MTUS2: variants seen among roughly 807,000 people sequenced by gnomAD.
The protein encoded by MTUS2 is microtubule associated scaffold protein 2.
In MTUS2, 40 loss-of-function variants were observed where a neutral mutation model predicts 114.1. The observed-to-expected ratio is 0.35, with a 90% CI of 0.27 to 0.46. MTUS2 has a LOEUF of 0.46. Ranked by LOEUF, MTUS2 falls within the 20% of genes least tolerant of loss-of-function variation. MTUS2 has a pLI of 1.00. For missense variants in MTUS2, 1,679 were observed against 1,705.4 expected (o/e 0.98, Z 0.27); for synonymous variants, 688 against 672.0 (o/e 1.02, Z -0.37).
chr13:28,879,686 A>G (rs777193583), intron 2 of MTUS2, among the ~76,000 whole-genome samples: 2 of 152,188 alleles, frequency 1.3e-5, no homozygotes, highest in African/African-American at 2.4e-5. Flanking sequence ...GTTTTAAATG[A>G]TTTCCATCAA....
At chr13:29,441,693 C>T (rs1877888926) in intron 9 of MTUS2, among the ~76,000 whole-genome samples, 1 of 152,140 alleles carries the variant, frequency 6.6e-6, no homozygotes, top group Admixed American at 6.5e-5. Context: ...CTGTTCTTCT[C>T]TAAGGAAGGA....
chr13:28,855,240 A>T (rs1325551491), intron 2 of MTUS2, among the ~76,000 whole-genome samples: 5 of 151,890 alleles, frequency 3.3e-5, no homozygotes. Flanking sequence ...CTATCATCTC[A>T]CAGGCACTAG....
intron 2 of MTUS2, among the ~76,000 whole-genome samples, chr13:28,964,433 G>A (rs1883480504): frequency 2.0e-5 from 3 of 152,076 alleles, no homozygotes; most frequent in Admixed American, 6.5e-5. Flanking sequence ...GCACAGCTTA[G>A]AATAAAATTC....
rs114541586 is a variant in MTUS2 at position 29,359,313 on chromosome 13, C to G, written c.2957C>G (p.Pro986Arg). The G allele has an allele frequency of 1.2e-6, 2 of 1,609,714 alleles. No homozygotes were observed. The highest frequency in any genetic ancestry group is 1.7e-5 in the Admixed American group (1 of 59,352). ...AAARNGFPPKPDPQAREAERQ... is the reference protein window; with the variant it reads ...AAARNGFPPKRDPQAREAERQ... The stretch of plus-strand genomic sequence containing the variant: ...GCTCGAAATGGGTTTCCGCCCAAGC[C>G]GGACCCGCAGGCCCGTGAGGCTGAG... Residue 986 changes from proline (P) to arginine (R), a missense_variant, in exon 8 of 16, where the codon CCG becomes CGG. Pro to Arg is a moderately radical substitution (Grantham distance 103, BLOSUM62 -2). Transcript: ENST00000612955.
intron 3 of MTUS2, among the ~76,000 whole-genome samples, chr13:29,027,623 C>G (rs1198186521): frequency 1.3e-5 from 2 of 152,302 alleles, no homozygotes; most frequent in East Asian, 3.9e-4. Flanking sequence ...GCGATCTCGG[C>G]TCACTGGAAA....
chr13:29,462,898 T>C (rs1392608285), intron 9 of MTUS2, among the ~76,000 whole-genome samples: 1 of 152,146 alleles, frequency 6.6e-6, no homozygotes, highest in Non-Finnish European at 1.5e-5. Context: ...TCCCCGATGA[T>C]GTCCTCGTTC....
chr13:29,419,252 G>A (rs1875899849), intron 8 of MTUS2, among the ~76,000 whole-genome samples: 1 of 152,202 alleles, frequency 6.6e-6, no homozygotes, highest in South Asian at 2.1e-4. Context: ...TAGAAGCAAA[G>A]AGGAGTGGCA....
intron 9 of MTUS2, among the ~76,000 whole-genome samples, chr13:29,446,864 G>A (rs1025480355): frequency 9.3e-5 from 14 of 149,842 alleles, no homozygotes; most frequent in African/African-American, 3.0e-4. Flanking sequence ...TGTATATCAG[G>A]GTGTGGTTTA....
At chr13:28,929,077 T>C (rs1566230242) in intron 2 of MTUS2, among the ~76,000 whole-genome samples, 1 of 151,830 alleles carries the variant, frequency 6.6e-6, no homozygotes, top group Admixed American at 6.6e-5. Context: ...AAGGCGAATA[T>C]CACATGTTCT....
chr13:29,223,261 C>T (rs866586475), intron 5 of MTUS2, among the ~76,000 whole-genome samples: 1 of 152,158 alleles, frequency 6.6e-6, no homozygotes, highest in Admixed American at 6.5e-5. Flanking sequence ...AATTTCTCCC[C>T]TCTGAAGCCC....
At chr13:29,058,284 C>T (rs934457038) in intron 4 of MTUS2, among the ~76,000 whole-genome samples, 3 of 149,248 alleles carry the variant, frequency 2.0e-5, no homozygotes, top group Non-Finnish European at 4.4e-5. Context: ...TAGTGTCTTA[C>T]GAGGGTTCTC....
chr13:29,271,297 A>G (rs1334546697), intron 5 of MTUS2, among the ~76,000 whole-genome samples: 1 of 152,182 alleles, frequency 6.6e-6, no homozygotes, highest in Admixed American at 6.5e-5. Context: ...AGGTTATGAG[A>G]GGAGTCTGCT....
chr13:29,240,608 A>AT (rs1197385509), intron 5 of MTUS2, among the ~76,000 whole-genome samples: 7 of 152,120 alleles, frequency 4.6e-5, no homozygotes, highest in Non-Finnish European at 1.0e-4. Context: ...ATAAAGTATT[A>AT]TTTTTTCTTT....
intron 5 of MTUS2, among the ~76,000 whole-genome samples, chr13:29,253,496 A>T (rs189030634): frequency 6.6e-6 from 1 of 152,112 alleles, no homozygotes; most frequent in Non-Finnish European, 1.5e-5. Flanking sequence ...TACCATTTCT[A>T]TTACTGCCCA....
intron 2 of MTUS2, among the ~76,000 whole-genome samples, chr13:28,865,259 T>C (rs989528039): frequency 1.3e-5 from 2 of 152,152 alleles, no homozygotes; most frequent in African/African-American, 4.8e-5. Context: ...ATAAGCACTG[T>C]TAAAGATTGG....
At chr13:29,475,500 A>G (rs1880631451) in intron 9 of MTUS2, among the ~76,000 whole-genome samples, 1 of 152,176 alleles carries the variant, frequency 6.6e-6, no homozygotes, top group South Asian at 2.1e-4. Flanking sequence ...TTTTCCTAGG[A>G]GATGACAGCT....
intron 2 of MTUS2, among the ~76,000 whole-genome samples, chr13:28,934,602 C>T (rs1290700868): frequency 6.6e-6 from 1 of 152,152 alleles, no homozygotes; most frequent in Non-Finnish European, 1.5e-5. Context: ...CAGATCACTG[C>T]AACCTTCCCC....
At chr13:29,265,249 G>C (rs895042355) in intron 5 of MTUS2, among the ~76,000 whole-genome samples, 6 of 152,180 alleles carry the variant, frequency 3.9e-5, no homozygotes. Context: ...TTGTAACATG[G>C]ATGACCTTTG....
intron 2 of MTUS2, among the ~76,000 whole-genome samples, chr13:28,865,753 C>A (rs1421749352): frequency 6.6e-6 from 1 of 152,050 alleles, no homozygotes. Flanking sequence ...AGAGAAGGAG[C>A]AGTATTATTG....
Sources: allele counts gnomAD v4.1 joint callset (sites outside exome capture counted in the v4.1 genomes callset), GRCh38; gene constraint gnomAD v4.1.1; transcripts MANE v1.5; gene names NCBI Gene and HGNC (gene_info 2026-07-23, HGNC 2026-07-21).